The following FAM240B variants were observed in gnomAD, a reference collection of about 807,000 sequenced individuals.
The protein encoded by FAM240B is family with sequence similarity 240 member B, also known as protein FAM240B.
In FAM240B at chr9:38,694,543, TA is replaced by T. The variant is rs1331448483; in HGVS notation, c.*232del. ...TAATTCCAAGAGCTCTTTTATTAAA[TA>T]GCCCAAGCGTCCTATCCCACTTGCG... On this transcript the variant is annotated 3_prime_UTR_variant, in exon 3 of 3. Transcript: ENST00000637493. 3 of 370,848 alleles carry T rather than the reference TA, an allele frequency of 8.1e-6. No individual in the cohort carries two copies. Among genetic ancestry groups the T allele is most frequent in the Admixed American group, 4.6e-5 (1 of 21,834 alleles). The allele number at this position is 370,848 out of a possible 1,614,324, so 23.0% of individuals were successfully genotyped here.
At position 38,704,757 on chromosome 9, in the gene FAM240B, G is replaced by A. The variant is rs181231168; in HGVS notation, c.-3-755C>T. The stretch of plus-strand genomic sequence containing the variant: ...CGAGGACCCGATGTGGGCCGGGCAC[G>A]CTTTACACACTGTGCCATCTGATGC... On this transcript the variant is annotated intron_variant, in intron 1 of 2. Transcript: ENST00000637493. 1.7e-4 allele frequency among the ~76,000 whole-genome samples: 26 copies of A among 152,270 alleles called. 1 individual carries two copies. The East Asian group carries it at 1.9e-3, about 11-fold the overall frequency.
intron 2 of FAM240B, among the ~76,000 whole-genome samples, chr9:38,696,728 C>T (rs183417763): frequency 5.3e-5 from 8 of 152,182 alleles, no homozygotes; most frequent in African/African-American, 1.9e-4. Flanking sequence ...GCAGGAGAAT[C>T]GCTTGAACTT....
intron 1 of FAM240B, among the ~76,000 whole-genome samples, chr9:38,713,271 G>A (rs1821274631): frequency 1.3e-5 from 2 of 152,062 alleles, no homozygotes. Context: ...GAGGTCAGGA[G>A]ATCGAGACCA....
chr9:38,715,975 A>G (rs1182121785), intron 1 of FAM240B, among the ~76,000 whole-genome samples: 6 of 152,222 alleles, frequency 3.9e-5, no homozygotes, highest in African/African-American at 1.2e-4. Context: ...TTTGATGTCT[A>G]GTCACTTAAT....
chr9:38,704,158 G>A (rs1419327117), intron 1 of FAM240B, among the ~76,000 whole-genome samples, 156 bp from the exon 2 acceptor site: 1 of 136,020 alleles, frequency 7.4e-6, no homozygotes. Flanking sequence ...CTTGTATTCT[G>A]AGTCTGTTTC....
At chr9:38,707,550 C>T (rs886231846) in intron 1 of FAM240B, among the ~76,000 whole-genome samples, 5 of 150,052 alleles carry the variant, frequency 3.3e-5, no homozygotes, top group East Asian at 2.0e-4. Flanking sequence ...AGGCGGATCA[C>T]GAGGTCAAGA....
intron 2 of FAM240B, among the ~76,000 whole-genome samples, chr9:38,695,816 C>T (rs2060387125): frequency 6.6e-6 from 1 of 152,170 alleles, no homozygotes; most frequent in African/African-American, 2.4e-5. Context: ...ATAAAGTTAC[C>T]ATCATCAAGG....
chr9:38,717,906 G>A (rs1821327631), intron 1 of FAM240B, among the ~76,000 whole-genome samples: 1 of 152,196 alleles, frequency 6.6e-6, no homozygotes, highest in Non-Finnish European at 1.5e-5. Context: ...ATGAAATAAA[G>A]AAGTGTTTCC....
At chr9:38,699,343 A>G (rs62539019) in intron 2 of FAM240B, among the ~76,000 whole-genome samples, 7,848 of 152,278 alleles carry the variant, frequency 0.052, 304 homozygotes, top group Non-Finnish European at 0.086. Flanking sequence ...GGCACTAAAC[A>G]TATGTGTCAG....
intron 2 of FAM240B, among the ~76,000 whole-genome samples, chr9:38,695,861 A>G (rs1387082271): frequency 3.3e-5 from 5 of 152,282 alleles, no homozygotes; most frequent in South Asian, 2.1e-4. Context: ...AGCACAGAAT[A>G]TAATAGAAAG....
intron 2 of FAM240B, among the ~76,000 whole-genome samples, chr9:38,698,368 G>A (rs550569363): frequency 2.6e-5 from 4 of 152,212 alleles, no homozygotes; most frequent in South Asian, 4.2e-4. Context: ...CCACCAGTTG[G>A]CCCAGATACA....
Position 38,696,711 on chromosome 9 carries a change from G to A in FAM240B, c.144-1842C>T, listed in dbSNP as rs190478868. Among the ~76,000 whole-genome samples the A allele has an allele frequency of 3.9e-4, 60 of 152,208 alleles. 1 individual carries two copies. In the East Asian group the frequency reaches 8.3e-3, roughly 21 times the overall value. On this transcript the variant is annotated intron_variant, in intron 2 of 2. Coordinates refer to ENST00000637493, the MANE Select transcript of FAM240B (RefSeq NM_001394922.1). The stretch of plus-strand genomic sequence containing the variant: ...CGCCTGTAATCCCAGCTACCCGGGA[G>A]GCTGAGGCAGGAGAATCGCTTGAAC...
At position 38,718,344 on chromosome 9, in the gene FAM240B, T is replaced by C. The variant is rs1283542082; in HGVS notation, c.-4+1678A>G. 2.6e-5 allele frequency among the ~76,000 whole-genome samples: 4 copies of C among 152,378 alleles called. No homozygotes were observed. In the East Asian group the frequency reaches 7.7e-4, roughly 29 times the overall value. Reference sequence around the variant, plus strand: ...GAAATGTTTACAGCATAATTCCATATTGCCTTCTGCTGTCACGGAAGTGTT... The same window carrying C: ...GAAATGTTTACAGCATAATTCCATACTGCCTTCTGCTGTCACGGAAGTGTT... On this transcript the variant is annotated intron_variant, in intron 1 of 2. Transcript: ENST00000637493.
At chr9:38,713,370 C>T (rs1018298883) in intron 1 of FAM240B, among the ~76,000 whole-genome samples, 5 of 145,888 alleles carry the variant, frequency 3.4e-5, no homozygotes, top group South Asian at 2.2e-4. Flanking sequence ...CCCAGCTATT[C>T]GGGAGGCTGA....
intron 2 of FAM240B, among the ~76,000 whole-genome samples, chr9:38,700,465 A>G (rs1454913287): frequency 6.6e-6 from 1 of 152,220 alleles, no homozygotes; most frequent in East Asian, 1.9e-4. Context: ...AGTAGTTCAT[A>G]TAAGCACTGT....
Position 38,717,659 on chromosome 9 carries a change from T to G in FAM240B, c.-4+2363A>C, listed in dbSNP as rs894385955. Among the ~76,000 whole-genome samples, 7 of 148,174 alleles carry G rather than the reference T, an allele frequency of 4.7e-5. 1 individual carries two copies. Among genetic ancestry groups the G allele is most frequent in the South Asian group, 4.2e-4 (2 of 4,806 alleles). ...CCACACCCGGCTAATTTTTTTGTAT[T>G]TTTTAGTAGAGACGGGGTTTCACCG... On this transcript the variant is annotated intron_variant, in intron 1 of 2. Transcript: ENST00000637493.
chr9:38,705,126 C>T (rs1255214566), intron 1 of FAM240B, among the ~76,000 whole-genome samples: 1 of 152,256 alleles, frequency 6.6e-6, no homozygotes, highest in African/African-American at 2.4e-5. Context: ...CAACAGATCC[C>T]TCCCTGCCTG....
In FAM240B at chr9:38,694,507, C is replaced by A. The variant is rs73646235; in HGVS notation, c.*269G>T. ...ACTAGGCTACATGGGTCTGTGAGACCTGGAGAGTGCTAATTCCAAGAGCTC... is the reference window on the plus strand; with the variant it reads ...ACTAGGCTACATGGGTCTGTGAGACATGGAGAGTGCTAATTCCAAGAGCTC... On this transcript the variant is annotated 3_prime_UTR_variant, in exon 3 of 3. Transcript: ENST00000637493. The A allele has an allele frequency of 6.7e-3, 2,187 of 325,284 alleles. 31 individuals are homozygous for A. Among genetic ancestry groups the A allele is most frequent in the African/African-American group, 0.041 (1,953 of 47,194 alleles). 20.1% of individuals were successfully genotyped at this position (325,284 alleles called of 1,614,324 possible).
In FAM240B at chr9:38,697,091, G is replaced by T. The variant is rs1444306638; in HGVS notation, c.144-2222C>A. Reference sequence around the variant, plus strand: ...AGCTCACTAATAAGGGCTGCTGCCTGGGTGTTTCATTGAACTTGATGCACT... The same window carrying T: ...AGCTCACTAATAAGGGCTGCTGCCTTGGTGTTTCATTGAACTTGATGCACT... On this transcript the variant is annotated intron_variant, in intron 2 of 2. Coordinates refer to ENST00000637493, the MANE Select transcript of FAM240B (RefSeq NM_001394922.1). 2.0e-5 allele frequency among the ~76,000 whole-genome samples: 3 copies of T among 152,114 alleles called. No individual in the cohort carries two copies. In the South Asian group the frequency reaches 6.2e-4, roughly 32 times the overall value.
Sources: allele counts gnomAD v4.1 joint callset (sites outside exome capture counted in the v4.1 genomes callset), GRCh38; gene constraint gnomAD v4.1.1; transcripts MANE v1.5; gene names NCBI Gene and HGNC (gene_info 2026-07-23, HGNC 2026-07-21).